Variants in B4GALT6 observed in about 807,000 individuals in gnomAD.
The protein encoded by B4GALT6 is beta-1,4-galactosyltransferase 6.
B4GALT6 carries 14 observed loss-of-function variants against 46.3 expected under a neutral mutation model. The observed-to-expected ratio is 0.30, with a 90% confidence interval of 0.20 to 0.47. B4GALT6 has a LOEUF of 0.47. Among genes scored for constraint, B4GALT6 ranks in the 20% least tolerant of loss-of-function variants. The pLI is 0.99. For missense variants in B4GALT6, 386 were observed against 480.1 expected (o/e 0.80, Z 1.83); for synonymous variants, 168 against 162.0 (o/e 1.04, Z -0.28).
chr18:31,650,029 CCA>C (rs2074045412), intron 3 of B4GALT6, among the ~76,000 whole-genome samples: 1 of 152,174 alleles, frequency 6.6e-6, no homozygotes, highest in Non-Finnish European at 1.5e-5. Context: ...AGACCCTGAA[CCA>C]CAGTCACCTA....
chr18:31,641,766 T>C (rs879494232), intron 4 of B4GALT6, among the ~76,000 whole-genome samples: 1 of 152,250 alleles, frequency 6.6e-6, no homozygotes, highest in Non-Finnish European at 1.5e-5. Context: ...AGTTTGCTCC[T>C]ACTTTAAAAC....
intron 1 of B4GALT6, 71 bp downstream of exon 1, chr18:31,684,241 G>T (rs1003438508): frequency 1.3e-6 from 2 of 1,598,954 alleles, no homozygotes; most frequent in African/African-American, 2.7e-5. Context: ...AATCCCAGAA[G>T]TAACATCGGA....
chr18:31,642,264 A>G (rs1304306464), intron 4 of B4GALT6, among the ~76,000 whole-genome samples: 5 of 152,058 alleles, frequency 3.3e-5, no homozygotes, highest in Non-Finnish European at 7.4e-5. Context: ...TGCAGCCTCA[A>G]ACTCCTGGGC....
upstream of B4GALT6, among the ~76,000 whole-genome samples, chr18:31,685,436 C>G (rs2074536090): frequency 6.6e-6 from 1 of 151,434 alleles, no homozygotes; most frequent in East Asian, 2.0e-4. Context: ...CGTCTCGAGA[C>G]CCCTGCGCGC....
At chr18:31,721,178 G>T in the B4GALT6 span, among the ~76,000 whole-genome samples, 1 of 149,620 alleles carries the variant, frequency 6.7e-6, no homozygotes, top group Non-Finnish European at 1.5e-5. Context: ...GTCCACCGGG[G>T]CCTGTCGGGG....
Position 31,638,388 on chromosome 18 carries a change from G to A in B4GALT6, c.588+256C>T, listed in dbSNP as rs540702113. Among the ~76,000 whole-genome samples, 21 of 152,138 alleles carry A rather than the reference G, an allele frequency of 1.4e-4. No individual in the cohort carries two copies. The East Asian group carries it at 2.1e-3, about 15-fold the overall frequency. On this transcript the variant is annotated intron_variant, in intron 5 of 8. Transcript: ENST00000306851. ...TAAAAATATAAAAAATTAGCCGGGCGTGGTGGCGGGTGCCTGTAGTCCCAG... is the reference window on the plus strand; with the variant it reads ...TAAAAATATAAAAAATTAGCCGGGCATGGTGGCGGGTGCCTGTAGTCCCAG...
At chr18:31,631,274 G>A in intron 5 of B4GALT6, 128 bp from the exon 6 acceptor site, 4 of 973,054 alleles carry the variant, frequency 4.1e-6, no homozygotes, top group Non-Finnish European at 5.7e-6. Flanking sequence ...GGCTGGTCTC[G>A]AACTACTGAC....
the B4GALT6 span, among the ~76,000 whole-genome samples, chr18:31,691,078 G>A: frequency 3.3e-5 from 5 of 151,910 alleles, no homozygotes; most frequent in Non-Finnish European, 7.4e-5. Flanking sequence ...GATAGGTACA[G>A]CAAACCACCA....
At chr18:31,704,647 G>C in the B4GALT6 span, among the ~76,000 whole-genome samples, 1 of 152,182 alleles carries the variant, frequency 6.6e-6, no homozygotes, top group Admixed American at 6.5e-5. Context: ...ATTTTTAGAA[G>C]ATACAATATG....
chr18:31,719,707 G>A, the B4GALT6 span, among the ~76,000 whole-genome samples: 2 of 152,140 alleles, frequency 1.3e-5, no homozygotes, highest in Non-Finnish European at 2.9e-5. Context: ...GGCGAGTAGG[G>A]GTAGGGTAAG....
intron 3 of B4GALT6, among the ~76,000 whole-genome samples, chr18:31,653,970 T>A (rs979993819): frequency 6.6e-6 from 1 of 152,178 alleles, no homozygotes; most frequent in Non-Finnish European, 1.5e-5. Flanking sequence ...TACATTAGCA[T>A]TATTTGAGCT....
the B4GALT6 span, among the ~76,000 whole-genome samples, chr18:31,695,121 T>C: frequency 6.6e-6 from 1 of 152,062 alleles, no homozygotes. Context: ...CTGACTTTTT[T>C]CCTATCTTTG....
At chr18:31,653,808 A>G (rs2074105859) in intron 3 of B4GALT6, among the ~76,000 whole-genome samples, 1 of 152,160 alleles carries the variant, frequency 6.6e-6, no homozygotes, top group South Asian at 2.1e-4. Flanking sequence ...TGCCACACAC[A>G]TGACCACGTT....
At chr18:31,691,560 TAC>T in the B4GALT6 span, among the ~76,000 whole-genome samples, 1 of 152,080 alleles carries the variant, frequency 6.6e-6, no homozygotes, top group East Asian at 1.9e-4. Flanking sequence ...GTAATTATGA[TAC>T]AGAGTATAGT....
intron 2 of B4GALT6, among the ~76,000 whole-genome samples, chr18:31,658,651 G>C (rs924280913): frequency 6.6e-6 from 1 of 152,158 alleles, no homozygotes; most frequent in African/African-American, 2.4e-5. Context: ...TATTACATTA[G>C]GTCCATTATC....
At position 31,623,231 on chromosome 18, in the gene B4GALT6, G is replaced by A. The variant is rs867966973; in HGVS notation, c.*2383C>T. ...AATAATTAATACAATGAAGATAAAC[G>A]GGCACAGCTCTGTCACTCTCACAGA... On this transcript the variant is annotated 3_prime_UTR_variant, in exon 9 of 9. Transcript: ENST00000306851. 26 of 152,050 alleles carry A rather than the reference G, an allele frequency of 1.7e-4. No homozygotes were observed. Among genetic ancestry groups the A allele is most frequent in the African/African-American group, 5.5e-4 (23 of 41,512 alleles). 9.4% of individuals were successfully genotyped at this position (152,050 alleles called of 1,614,324 possible).
chr18:31,668,392 A>C (rs1245712745), intron 1 of B4GALT6, among the ~76,000 whole-genome samples: 1 of 152,110 alleles, frequency 6.6e-6, no homozygotes, highest in Non-Finnish European at 1.5e-5. Flanking sequence ...GATCAATCAT[A>C]CTCCAAACCT....
At chr18:31,675,817 C>G (rs921501432) in intron 1 of B4GALT6, among the ~76,000 whole-genome samples, 1 of 152,086 alleles carries the variant, frequency 6.6e-6, no homozygotes, top group African/African-American at 2.4e-5. Context: ...TTAGTGATGT[C>G]AGAGTATATA....
At chr18:31,647,726 T>G (rs1334922596) in intron 3 of B4GALT6, among the ~76,000 whole-genome samples, 2 of 150,816 alleles carry the variant, frequency 1.3e-5, no homozygotes, top group African/African-American at 4.9e-5. Flanking sequence ...TTGTGGGGAG[T>G]GGTATTAGGG....
Sources: gnomAD v4.1 joint callset for allele counts (sites outside exome capture counted in the v4.1 genomes callset) on GRCh38, gnomAD v4.1.1 for gene constraint, MANE v1.5 for transcripts, NCBI Gene and HGNC (gene_info 2026-07-23, HGNC 2026-07-21) for gene names.